The following CNTN6 variants were observed in gnomAD, a reference collection of about 807,000 sequenced individuals.
CNTN6 encodes the protein contactin 6, also known as contactin-6.
CNTN6 carries 137 observed loss-of-function variants against 122.8 expected under a neutral mutation model. The observed-to-expected ratio is 1.12, with a 90% CI of 0.97 to 1.29. The LOEUF is 1.29. CNTN6 is among the 50% of genes most tolerant of loss of function. The pLI is 0.00. For missense variants in CNTN6, 1,634 were observed against 1,223.4 expected, an observed-to-expected ratio of 1.34 and a Z score of -5.01; for synonymous variants, 570 against 426.0, an observed-to-expected ratio of 1.34 and a Z score of -4.16.
intron 11 of CNTN6, among the ~76,000 whole-genome samples, chr3:1,350,140 A>G (rs901080861): frequency 6.6e-6 from 1 of 151,906 alleles, no homozygotes; most frequent in African/African-American, 2.4e-5. Context: ...TAAATAGATC[A>G]GTACTTCTCA....
chr3:1,272,438 A>AC (rs2125761330), intron 4 of CNTN6, among the ~76,000 whole-genome samples: 1 of 152,348 alleles, frequency 6.6e-6, no homozygotes, highest in East Asian at 1.9e-4. Flanking sequence ...AGAGCATCTG[A>AC]CATATAATGG....
intron 1 of CNTN6, among the ~76,000 whole-genome samples, chr3:1,133,979 C>T (rs1418337815): frequency 6.7e-6 from 1 of 149,718 alleles, no homozygotes; most frequent in Non-Finnish European, 1.5e-5. Context: ...ATCAATCGGC[C>T]TCCTGTGCTG....
At chr3:1,339,345 C>G (rs1287890851) in intron 11 of CNTN6, among the ~76,000 whole-genome samples, 1 of 152,124 alleles carries the variant, frequency 6.6e-6, no homozygotes, top group African/African-American at 2.4e-5. Context: ...AAATCTGATT[C>G]TCAAGTGTGA....
chr3:1,147,973 TTGTA>T lies in CNTN6; in HGVS notation c.-33_-30del, dbSNP rs779135067. Reference sequence around the variant, plus strand: ...AGATAGACTGTTTTGTTCCACCTGATTGTATGGGAGAAATTTTTGACCTTAGAAA... The same window carrying T: ...AGATAGACTGTTTTGTTCCACCTGATTGGGAGAAATTTTTGACCTTAGAAA... On this transcript the variant is annotated 5_prime_UTR_variant, in exon 2 of 23. The change abolishes an upstream ATG in the 5' untranslated region. Transcript: ENST00000446702. 65 of 1,544,706 alleles carry T rather than the reference TTGTA, an allele frequency of 4.2e-5. 1 individual carries two copies. Among genetic ancestry groups the T allele is most frequent in the Non-Finnish European group, 5.6e-5 (63 of 1,118,938 alleles).
chr3:1,275,754 A>T (rs945759845), intron 4 of CNTN6, among the ~76,000 whole-genome samples: 1 of 152,086 alleles, frequency 6.6e-6, no homozygotes, highest in Non-Finnish European at 1.5e-5. Flanking sequence ...TGCGCGGTTC[A>T]CAATAGGGTT....
chr3:1,320,051 A>G (rs1700636948), intron 7 of CNTN6, among the ~76,000 whole-genome samples: 1 of 151,628 alleles, frequency 6.6e-6, no homozygotes, highest in African/African-American at 2.4e-5. Flanking sequence ...ATGCCATAAA[A>G]TGAATGAAAA....
chr3:1,199,174 GCTTT>G (rs1309075085), intron 2 of CNTN6, among the ~76,000 whole-genome samples: 4 of 109,046 alleles, frequency 3.7e-5, no homozygotes, highest in South Asian at 2.6e-4. Context: ...GACAATATAT[GCTTT>G]TTTTTTTTTT....
In CNTN6 at chr3:1,267,191, T is replaced by C. The variant is rs554329816; in HGVS notation, c.359-11222T>C. Among the ~76,000 whole-genome samples the C allele has an allele frequency of 1.7e-4, 26 of 152,194 alleles. No homozygotes were observed. In the South Asian group the frequency reaches 5.4e-3, roughly 32 times the overall value. On this transcript the variant is annotated intron_variant, in intron 4 of 22. Coordinates refer to ENST00000446702, the MANE Select transcript of CNTN6 (RefSeq NM_001289080.2). ...AGGGCAGACTCTGTTTGCTTGCTCT[T>C]GGATAAAAAGAAACTGTTTGCAGCC...
At chr3:1,099,812 A>G (rs1043716256) in intron 1 of CNTN6, among the ~76,000 whole-genome samples, 1 of 152,176 alleles carries the variant, frequency 6.6e-6, no homozygotes, top group African/African-American at 2.4e-5. Context: ...TTTAGTAAAC[A>G]GTCTTTTATT....
intron 4 of CNTN6, among the ~76,000 whole-genome samples, chr3:1,260,857 C>G (rs1042770251): frequency 6.6e-6 from 1 of 151,986 alleles, no homozygotes; most frequent in African/African-American, 2.4e-5. Flanking sequence ...TGAGGCCTCC[C>G]CAGACATGCT....
At chr3:1,197,305 C>A (rs2093792037) in intron 2 of CNTN6, among the ~76,000 whole-genome samples, 1 of 152,132 alleles carries the variant, frequency 6.6e-6, no homozygotes, top group African/African-American at 2.4e-5. Flanking sequence ...GTTAATTAGA[C>A]CATTTTGTCT....
At chr3:1,271,626 C>G (rs372202167) in intron 4 of CNTN6, among the ~76,000 whole-genome samples, 1 of 151,846 alleles carries the variant, frequency 6.6e-6, no homozygotes, top group Admixed American at 6.6e-5. Context: ...GGAGATAAAT[C>G]GAGAAATATA....
chr3:1,402,008 T>C (rs1695771573), intron 21 of CNTN6, among the ~76,000 whole-genome samples: 1 of 152,030 alleles, frequency 6.6e-6, no homozygotes, highest in Non-Finnish European at 1.5e-5. Flanking sequence ...CAGACATATA[T>C]TCAACATTTG....
chr3:1,249,533 G>A (rs1253777224), intron 4 of CNTN6, among the ~76,000 whole-genome samples: 1 of 152,158 alleles, frequency 6.6e-6, no homozygotes, highest in African/African-American at 2.4e-5. Context: ...ATCCTCCTAG[G>A]CAGTGTTTCT....
At chr3:1,111,713 A>G (rs1475408676) in intron 1 of CNTN6, among the ~76,000 whole-genome samples, 2 of 152,120 alleles carry the variant, frequency 1.3e-5, no homozygotes, top group African/African-American at 4.8e-5. Flanking sequence ...ATTTCTTTCA[A>G]TATCATATAT....
At chr3:1,384,918 C>T (rs983406559) in intron 19 of CNTN6, among the ~76,000 whole-genome samples, 1 of 151,420 alleles carries the variant, frequency 6.6e-6, no homozygotes, top group East Asian at 1.9e-4. Flanking sequence ...TACCTCTTAT[C>T]TGAACCCTAG....
intron 1 of CNTN6, among the ~76,000 whole-genome samples, chr3:1,104,758 C>T (rs1227737801): frequency 2.0e-5 from 3 of 151,734 alleles, no homozygotes; most frequent in Non-Finnish European, 4.4e-5. Context: ...TACGTGTGTG[C>T]GTGTGTGTGC....
intron 7 of CNTN6, among the ~76,000 whole-genome samples, chr3:1,307,561 T>C (rs576986931): frequency 6.6e-6 from 1 of 152,268 alleles, no homozygotes; most frequent in African/African-American, 2.4e-5. Flanking sequence ...GATGTCTGAT[T>C]ATTATAAAGT....
intron 1 of CNTN6, among the ~76,000 whole-genome samples, chr3:1,097,402 A>G (rs2090587998): frequency 1.3e-5 from 2 of 152,236 alleles, no homozygotes; most frequent in Non-Finnish European, 2.9e-5. Context: ...TAAATAACTG[A>G]ATTTCCCTAT....
Sources: allele counts gnomAD v4.1 joint callset (sites outside exome capture counted in the v4.1 genomes callset), GRCh38; gene constraint gnomAD v4.1.1; transcripts MANE v1.5; gene names NCBI Gene and HGNC (gene_info 2026-07-23, HGNC 2026-07-21).